LOC128092253: variants seen among roughly 807,000 people sequenced by gnomAD.
the LOC128092253 span, among the ~76,000 whole-genome samples, chr6:133,969,978 T>C: frequency 1.3e-5 from 2 of 152,224 alleles, no homozygotes; most frequent in East Asian, 3.8e-4. Flanking sequence ...TTAAAAACCA[T>C]CAGTCTAGTC....
chr6:133,970,276 G>A, the LOC128092253 span, among the ~76,000 whole-genome samples: 2 of 152,074 alleles, frequency 1.3e-5, no homozygotes, highest in African/African-American at 4.8e-5. Context: ...TCACACCATC[G>A]TACTTTGCTT....
the LOC128092253 span, among the ~76,000 whole-genome samples, chr6:133,976,109 T>C: frequency 2.0e-5 from 3 of 152,212 alleles, no homozygotes; most frequent in Non-Finnish European, 4.4e-5. Flanking sequence ...TCATGAATGT[T>C]GTGTCAAAGG....
chr6:133,954,280 G>C, the LOC128092253 span, among the ~76,000 whole-genome samples: 5 of 152,204 alleles, frequency 3.3e-5, no homozygotes, highest in African/African-American at 1.2e-4. Context: ...TTAGGGTTTA[G>C]AACAGTGCCT....
the LOC128092253 span, among the ~76,000 whole-genome samples, chr6:133,964,404 G>A: frequency 6.7e-6 from 1 of 149,976 alleles, no homozygotes; most frequent in African/African-American, 2.4e-5. Context: ...AACCAGAAAT[G>A]TTTGAACTGT....
the LOC128092253 span, among the ~76,000 whole-genome samples, chr6:133,963,999 A>C: frequency 0.64 from 97,371 of 151,642 alleles, 32,160 homozygotes; most frequent in African/African-American, 0.74. Context: ...CGAGATCGTG[A>C]CACTGCACTC....
At chr6:133,970,591 G>A in the LOC128092253 span, among the ~76,000 whole-genome samples, 3 of 151,390 alleles carry the variant, frequency 2.0e-5, no homozygotes, top group African/African-American at 7.3e-5. Context: ...CTGTCACCAA[G>A]GTTTGTTTTT....
At chr6:133,970,344 A>G in the LOC128092253 span, among the ~76,000 whole-genome samples, 4 of 152,106 alleles carry the variant, frequency 2.6e-5, no homozygotes, top group African/African-American at 7.2e-5. Context: ...TAAATTCTGG[A>G]TACTGTAGAT....
At chr6:133,956,953 T>C in the LOC128092253 span, among the ~76,000 whole-genome samples, 1 of 152,234 alleles carries the variant, frequency 6.6e-6, no homozygotes, top group South Asian at 2.1e-4. Flanking sequence ...TTTTGTATTA[T>C]TAACCAGTCA....
chr6:133,974,249 TTAAC>T, the LOC128092253 span, among the ~76,000 whole-genome samples: 3 of 152,250 alleles, frequency 2.0e-5, no homozygotes, highest in Non-Finnish European at 2.9e-5. Flanking sequence ...TGTACTGTAT[TTAAC>T]TAGTTCCTTT....
the LOC128092253 span, among the ~76,000 whole-genome samples, chr6:133,974,169 C>G: frequency 6.6e-6 from 1 of 152,166 alleles, no homozygotes; most frequent in East Asian, 1.9e-4. Context: ...TTATGGACCT[C>G]TGTCTACATC....
the LOC128092253 span, among the ~76,000 whole-genome samples, chr6:133,957,224 G>A: frequency 8.4e-3 from 1,280 of 152,208 alleles, 38 homozygotes; most frequent in Admixed American, 0.062. Context: ...CCTTTGTGTG[G>A]GAGTCAATAA....
At chr6:133,955,285 C>T in the LOC128092253 span, among the ~76,000 whole-genome samples, 2 of 150,244 alleles carry the variant, frequency 1.3e-5, no homozygotes, top group Non-Finnish European at 1.5e-5. Context: ...CAAGCCCTAG[C>T]TTCCACCTTT....
chr6:133,954,604 G>C, the LOC128092253 span, among the ~76,000 whole-genome samples: 1 of 152,202 alleles, frequency 6.6e-6, no homozygotes, highest in African/African-American at 2.4e-5. Context: ...AGGTTTTCCT[G>C]TAGCACAATG....
chr6:133,963,522 T>C, the LOC128092253 span, among the ~76,000 whole-genome samples: 1 of 152,144 alleles, frequency 6.6e-6, no homozygotes, highest in South Asian at 2.1e-4. Flanking sequence ...CCTCCCAGGC[T>C]CAATCCTCTT....
At chr6:133,978,209 A>G in the LOC128092253 span, among the ~76,000 whole-genome samples, 1 of 152,196 alleles carries the variant, frequency 6.6e-6, no homozygotes, top group African/African-American at 2.4e-5. Context: ...TAATGTAATC[A>G]TGGGAAGTAG....
At chr6:133,969,548 G>T in the LOC128092253 span, among the ~76,000 whole-genome samples, 1 of 152,084 alleles carries the variant, frequency 6.6e-6, no homozygotes, top group East Asian at 1.9e-4. Flanking sequence ...TTTCACTTAA[G>T]CATTTGTTAA....
chr6:133,963,274 T>A, the LOC128092253 span, among the ~76,000 whole-genome samples: 1 of 152,200 alleles, frequency 6.6e-6, no homozygotes. Flanking sequence ...CCTATGATGG[T>A]GTTTCAACCC....
the LOC128092253 span, among the ~76,000 whole-genome samples, chr6:133,959,607 G>A: frequency 1.3e-5 from 2 of 151,818 alleles, no homozygotes; most frequent in Non-Finnish European, 2.9e-5. Context: ...TCAGCCTCCC[G>A]AGTAACTGGG....
chr6:133,959,305 G>A, the LOC128092253 span, among the ~76,000 whole-genome samples: 1 of 151,816 alleles, frequency 6.6e-6, no homozygotes, highest in Non-Finnish European at 1.5e-5. Flanking sequence ...CTCCCGGAGT[G>A]CTGGGATTAT....
Sources: allele counts gnomAD v4.1 joint callset (sites outside exome capture counted in the v4.1 genomes callset), GRCh38; gene constraint gnomAD v4.1.1; transcripts MANE v1.5.